DPY19L3: variants seen among roughly 807,000 people sequenced by gnomAD.
DPY19L3 encodes the protein protein C-mannosyl-transferase DPY19L3.
A neutral mutation model predicts 92.3 loss-of-function variants in DPY19L3; 51 were observed. That is an observed-to-expected ratio of 0.55 (90% confidence interval 0.44 to 0.70). The LOEUF (loss-of-function observed/expected upper bound fraction) is 0.70, where lower values mean the gene tolerates loss of function less well. DPY19L3 is among the 30% of genes least tolerant of loss of function. The probability of loss-of-function intolerance (pLI) is 0.00; values close to 1 mark genes in which losing one functional copy is unlikely to be tolerated. For synonymous variants in DPY19L3, 309 were observed against 315.2 expected (o/e 0.98, Z 0.21); for missense variants, 706 against 855.9 (o/e 0.82, Z 2.18).
At chr19:32,448,820 T>G (rs975142301) in intron 8 of DPY19L3, among the ~76,000 whole-genome samples, 2 of 152,210 alleles carry the variant, frequency 1.3e-5, no homozygotes, top group African/African-American at 4.8e-5. Flanking sequence ...ACTGTACTAA[T>G]AGAACTGGGA....
At chr19:32,422,195 A>G (rs1968594545) in intron 3 of DPY19L3, among the ~76,000 whole-genome samples, 1 of 152,216 alleles carries the variant, frequency 6.6e-6, no homozygotes, top group African/African-American at 2.4e-5. Flanking sequence ...GGTGAAGAAC[A>G]GTCACCAGAA....
chr19:32,411,018 G>A (rs985822135), intron 2 of DPY19L3, among the ~76,000 whole-genome samples: 5 of 152,180 alleles, frequency 3.3e-5, no homozygotes, highest in African/African-American at 1.2e-4. Context: ...AGCTCACGTT[G>A]TAGTTGGCAG....
chr19:32,482,300 A>C lies in DPY19L3; in HGVS notation c.*60A>C. 6.4e-6 allele frequency: 10 copies of C among 1,563,174 alleles called. No individual in the cohort carries two copies. Among genetic ancestry groups the C allele is most frequent in the Non-Finnish European group, 7.8e-6 (9 of 1,153,514 alleles). On this transcript the variant is annotated 3_prime_UTR_variant, in exon 19 of 19. Transcript: ENST00000392250. ...GAGAAACTGCATCATGATGAAACTC[A>C]ATAGATGACGTTTCCTATGTAAGTA...
chr19:32,416,240 G>GT (rs1247071200), intron 3 of DPY19L3, among the ~76,000 whole-genome samples: 5 of 152,228 alleles, frequency 3.3e-5, no homozygotes, highest in Admixed American at 2.6e-4. Context: ...GTGGAAGTCT[G>GT]TTGAGAGAGA....
At chr19:32,449,430 T>C (rs1969625719) in intron 8 of DPY19L3, among the ~76,000 whole-genome samples, 1 of 152,266 alleles carries the variant, frequency 6.6e-6, no homozygotes, top group African/African-American at 2.4e-5. Flanking sequence ...AATCCTGAAA[T>C]TCATATGGAA....
chr19:32,438,491 T>TAA (rs1969218702), intron 6 of DPY19L3, among the ~76,000 whole-genome samples: 1 of 152,132 alleles, frequency 6.6e-6, no homozygotes, highest in East Asian at 1.9e-4. Flanking sequence ...GATACATTGT[T>TAA]TCATATATAT....
intron 3 of DPY19L3, among the ~76,000 whole-genome samples, chr19:32,416,937 T>C (rs28672356): frequency 0.17 from 26,603 of 152,188 alleles, 2,366 homozygotes; most frequent in African/African-American, 0.2. Context: ...CATGGTTGAG[T>C]GTTCTGGCTT....
At chr19:32,417,313 G>C (rs961551686) in intron 3 of DPY19L3, among the ~76,000 whole-genome samples, 2 of 152,074 alleles carry the variant, frequency 1.3e-5, no homozygotes, top group African/African-American at 4.8e-5. Context: ...AGATCTGATG[G>C]CTTTATTTAT....
chr19:32,467,874 G>A, intron 15 of DPY19L3: 1 of 984,916 alleles, frequency 1.0e-6, no homozygotes, highest in Non-Finnish European at 1.2e-6. Context: ...AATTCAGAGA[G>A]TAATTTTTAC....
chr19:32,412,214 C>G (rs1968209113), intron 3 of DPY19L3: 1 of 151,954 alleles, frequency 6.6e-6, no homozygotes, highest in East Asian at 1.9e-4. Flanking sequence ...TTAACTTATT[C>G]CATTTATTTA....
chr19:32,447,790 C>A (rs1207031282), intron 8 of DPY19L3, among the ~76,000 whole-genome samples: 2 of 127,546 alleles, frequency 1.6e-5, no homozygotes, highest in East Asian at 2.2e-4. Context: ...AGATAAGATA[C>A]TCCATCTCAT....
intron 15 of DPY19L3, among the ~76,000 whole-genome samples, chr19:32,466,209 A>T (rs907991342): frequency 6.6e-6 from 1 of 152,186 alleles, no homozygotes; most frequent in African/African-American, 2.4e-5. Flanking sequence ...ATAAGAAGTA[A>T]ACTGTCCTAG....
intron 8 of DPY19L3, among the ~76,000 whole-genome samples, chr19:32,445,094 A>C (rs1172932974): frequency 6.7e-6 from 1 of 150,134 alleles, no homozygotes; most frequent in Non-Finnish European, 1.5e-5. Flanking sequence ...AAAAAAAAAC[A>C]AAAAACAATG....
chr19:32,480,377 G>T (rs1328422925), intron 17 of DPY19L3, 22 bp from the exon 18 acceptor site: 10 of 1,597,318 alleles, frequency 6.3e-6, no homozygotes, highest in East Asian at 4.5e-5. Flanking sequence ...TTGCCACATT[G>T]CATTTTTATG....
intron 16 of DPY19L3, among the ~76,000 whole-genome samples, chr19:32,473,796 T>C (rs966243428): frequency 6.6e-6 from 1 of 152,130 alleles, no homozygotes; most frequent in Admixed American, 6.6e-5. Context: ...CAAATAAGTG[T>C]TATTTTTGGT....
chr19:32,445,799 G>A (rs1969480189), intron 8 of DPY19L3, among the ~76,000 whole-genome samples: 1 of 152,100 alleles, frequency 6.6e-6, no homozygotes, highest in Non-Finnish European at 1.5e-5. Context: ...TTAGGAGTTC[G>A]AGACCAGCCT....
chr19:32,426,549 T>A (rs2111504), intron 3 of DPY19L3, among the ~76,000 whole-genome samples: 28,734 of 152,086 alleles, frequency 0.19, 2,826 homozygotes, highest in African/African-American at 0.24. Context: ...TTAGAGGCTA[T>A]TGTAAAGTTA....
At chr19:32,452,665 A>T (rs898824332) in intron 8 of DPY19L3, among the ~76,000 whole-genome samples, 4 of 151,892 alleles carry the variant, frequency 2.6e-5, no homozygotes, top group African/African-American at 9.7e-5. Flanking sequence ...GTAAATAAAC[A>T]GTTGGTATGT....
chr19:32,419,121 A>G (rs917916491), intron 3 of DPY19L3, among the ~76,000 whole-genome samples: 1 of 150,396 alleles, frequency 6.6e-6, no homozygotes, highest in African/African-American at 2.4e-5. Flanking sequence ...CATGCTTGGA[A>G]CTATTTGGGG....
Sources: allele counts gnomAD v4.1 joint callset (sites outside exome capture counted in the v4.1 genomes callset), GRCh38; gene constraint gnomAD v4.1.1; transcripts MANE v1.5; gene names NCBI Gene and HGNC (gene_info 2026-07-23, HGNC 2026-07-21).